Variants in GNA14 observed in about 807,000 individuals in gnomAD.
The protein encoded by GNA14 is guanine nucleotide-binding protein subunit alpha-14.
GNA14 carries 50 observed loss-of-function variants against 42.0 expected under a neutral mutation model. That is an observed-to-expected ratio of 1.19 (90% CI 0.95 to 1.51). The LOEUF is 1.51. GNA14 is among the 40% of genes most tolerant of loss of function. The probability of loss-of-function intolerance (pLI) is 0.00; values close to 1 mark genes in which losing one functional copy is unlikely to be tolerated. For missense variants in GNA14, 473 were observed against 446.2 expected, an observed-to-expected ratio of 1.06 and a Z score of -0.54; for synonymous variants, 173 against 163.1, an observed-to-expected ratio of 1.06 and a Z score of -0.46.
chr9:77,456,854 C>T (rs1836008609), intron 2 of GNA14, among the ~76,000 whole-genome samples: 1 of 151,944 alleles, frequency 6.6e-6, no homozygotes, highest in Non-Finnish European at 1.5e-5. Context: ...TAATTATTGT[C>T]AGAGGTTTAC....
chr9:77,579,470 G>C (rs1292451779), intron 1 of GNA14, among the ~76,000 whole-genome samples: 1 of 152,040 alleles, frequency 6.6e-6, no homozygotes, highest in Non-Finnish European at 1.5e-5. Flanking sequence ...ATGACCTTGA[G>C]GCACATTCTT....
chr9:77,563,531 T>A (rs563682564), intron 1 of GNA14, among the ~76,000 whole-genome samples: 1 of 152,274 alleles, frequency 6.6e-6, no homozygotes, highest in East Asian at 1.9e-4. Flanking sequence ...CTAGGTCAAG[T>A]ATAAAATATG....
chr9:77,603,956 CAA>C (rs67044542), intron 1 of GNA14, among the ~76,000 whole-genome samples: 7,326 of 81,354 alleles, frequency 0.09, 92 homozygotes, highest in East Asian at 0.14. Context: ...AAAAAAAAAA[CAA>C]AAAAAAAAAA....
At chr9:77,628,810 T>G (rs878907098) in intron 1 of GNA14, among the ~76,000 whole-genome samples, 5 of 152,110 alleles carry the variant, frequency 3.3e-5, no homozygotes, top group African/African-American at 1.2e-4. Flanking sequence ...GGCAATACCA[T>G]GTAGGACACA....
intron 2 of GNA14, among the ~76,000 whole-genome samples, chr9:77,502,027 C>G (rs569340391): frequency 2.9e-4 from 44 of 152,118 alleles, no homozygotes; most frequent in South Asian, 1.5e-3. Flanking sequence ...AATTTCTAAT[C>G]TGTCTTCCAG....
intron 1 of GNA14, among the ~76,000 whole-genome samples, chr9:77,555,570 G>A (rs1822761366): frequency 6.6e-6 from 1 of 152,096 alleles, no homozygotes; most frequent in Non-Finnish European, 1.5e-5. Context: ...AGCATATATG[G>A]TAAGATTACA....
In GNA14 at chr9:77,423,853, C is replaced by A; in HGVS notation, c.*126G>T. ...GTTCCATCACCCATCTCTGTCCCCA[C>A]GATCTACATGACATCCTTAGTTCCT... On this transcript the variant is annotated 3_prime_UTR_variant, in exon 7 of 7. Transcript: ENST00000341700. 1 of 523,068 alleles carries A rather than the reference C, an allele frequency of 1.9e-6. No individual in the cohort carries two copies. The highest frequency in any genetic ancestry group is 2.0e-5 in the African/African-American group (1 of 51,096). The allele number at this position is 523,068 out of a possible 1,614,324, so 32.4% of individuals were successfully genotyped here. A position where few individuals can be genotyped will look rare whatever the true frequency, so the allele number is the denominator to read the frequency against.
chr9:77,614,296 C>G (rs987093514), intron 1 of GNA14, among the ~76,000 whole-genome samples: 1 of 152,156 alleles, frequency 6.6e-6, no homozygotes, highest in Non-Finnish European at 1.5e-5. Flanking sequence ...ATCACTTCCA[C>G]CCACATCCCA....
chr9:77,625,391 C>G (rs1426262269), intron 1 of GNA14, among the ~76,000 whole-genome samples: 3 of 152,048 alleles, frequency 2.0e-5, no homozygotes, highest in African/African-American at 7.2e-5. Flanking sequence ...TCAGGAAATA[C>G]AGAGAACACA....
chr9:77,478,220 T>A (rs1836469206), intron 2 of GNA14, among the ~76,000 whole-genome samples: 1 of 150,938 alleles, frequency 6.6e-6, no homozygotes, highest in South Asian at 2.1e-4. Context: ...ATGTTCCCCT[T>A]CCTGTGTCCA....
At chr9:77,501,415 C>G (rs1409137449) in intron 2 of GNA14, among the ~76,000 whole-genome samples, 2 of 152,134 alleles carry the variant, frequency 1.3e-5, no homozygotes, top group South Asian at 2.1e-4. Context: ...TAGAGTAATA[C>G]CTCATTGTGA....
intron 2 of GNA14, among the ~76,000 whole-genome samples, chr9:77,436,727 G>A (rs1260842283): frequency 6.6e-6 from 1 of 152,178 alleles, no homozygotes; most frequent in Non-Finnish European, 1.5e-5. Context: ...GCCAGGAAAT[G>A]TCATGAGGGC....
intron 1 of GNA14, among the ~76,000 whole-genome samples, chr9:77,555,453 G>A (rs1239309839): frequency 5.3e-5 from 8 of 152,138 alleles, no homozygotes; most frequent in Non-Finnish European, 1.5e-5. Flanking sequence ...GCAATGAACC[G>A]AGACTGCACC....
At chr9:77,439,558 G>C (rs575730946) in intron 2 of GNA14, among the ~76,000 whole-genome samples, 2 of 152,340 alleles carry the variant, frequency 1.3e-5, no homozygotes, top group East Asian at 3.9e-4. Flanking sequence ...GATTGCTTGA[G>C]CCTGGGAGGT....
intron 2 of GNA14, among the ~76,000 whole-genome samples, chr9:77,504,660 C>CTTTTT (rs34631344): frequency 1.6e-4 from 12 of 76,214 alleles, no homozygotes; most frequent in African/African-American, 2.6e-4. Flanking sequence ...GTCTGGCCGA[C>CTTTTT]TTTTTTTTTT....
At chr9:77,579,077 G>T (rs1786856241) in intron 1 of GNA14, among the ~76,000 whole-genome samples, 1 of 152,176 alleles carries the variant, frequency 6.6e-6, no homozygotes, top group South Asian at 2.1e-4. Flanking sequence ...GCCCGAGATG[G>T]GATGAGGATG....
chr9:77,487,935 C>G (rs1836689419), intron 2 of GNA14, among the ~76,000 whole-genome samples: 2 of 152,170 alleles, frequency 1.3e-5, no homozygotes, highest in South Asian at 4.2e-4. Flanking sequence ...ACGTTGGGCA[C>G]TGGAGCCAGT....
At position 77,429,025 on chromosome 9, in the gene GNA14, A is replaced by G. The variant is rs760407127; in HGVS notation, c.605T>C (p.Val202Ala). 1 of 1,614,138 alleles carries G rather than the reference A, an allele frequency of 6.2e-7. No homozygotes were observed. The highest frequency in any genetic ancestry group is 8.5e-7 in the Non-Finnish European group (1 of 1,179,984). The change falls in exon 5 of 7, where the codon GTT (valine) becomes GCT (alanine). Residue 202 changes from valine to alanine, a missense_variant. By Grantham distance (64) the Val-to-Ala change is moderately conservative. Transcript: ENST00000341700. ...LENIIFRMVD[V>A]GGQRSERRKW... ...CCGTCTTTCCGATCGTTGGCCACCA[A>G]CATCCACCATCCTGTTGTGTAGAAA...
At chr9:77,442,835 G>C (rs1420874358) in intron 2 of GNA14, among the ~76,000 whole-genome samples, 3 of 152,184 alleles carry the variant, frequency 2.0e-5, no homozygotes, top group African/African-American at 4.8e-5. Flanking sequence ...TGGGACAACT[G>C]CAAAGACAGA....
Sources: allele counts gnomAD v4.1 joint callset (sites outside exome capture counted in the v4.1 genomes callset), GRCh38; gene constraint gnomAD v4.1.1; transcripts MANE v1.5; gene names NCBI Gene and HGNC (gene_info 2026-07-23, HGNC 2026-07-21).